Variants in OPCML observed in about 807,000 individuals in gnomAD.
The protein encoded by OPCML is opioid binding protein/cell adhesion molecule like.
In OPCML, 13 loss-of-function variants were observed where a neutral mutation model predicts 37.8. The observed-to-expected ratio is 0.34, with a 90% CI of 0.22 to 0.55. The LOEUF is 0.55. Among genes scored for constraint, OPCML ranks in the 20% least tolerant of loss-of-function variants. The probability of loss-of-function intolerance (pLI) is 0.91; values close to 1 mark genes in which losing one functional copy is unlikely to be tolerated. For synonymous variants in OPCML, 176 were observed against 168.8 expected, an observed-to-expected ratio of 1.04 and a Z score of -0.33; for missense variants, 341 against 435.6, an observed-to-expected ratio of 0.78 and a Z score of 1.93.
intron 2 of OPCML, 174 bp from the exon 3 acceptor site, chr11:132,657,493 C>T (rs1351993503): frequency 1.5e-5 from 13 of 846,882 alleles, no homozygotes; most frequent in Middle Eastern, 1.2e-3. Context: ...CTAAGAGTGA[C>T]CAGAATCATC....
chr11:132,731,390 G>A (rs1255932043), intron 2 of OPCML, among the ~76,000 whole-genome samples: 1 of 152,196 alleles, frequency 6.6e-6, no homozygotes, highest in African/African-American at 2.4e-5. Flanking sequence ...GTCAACCTTA[G>A]TCTAAAGAGT....
At chr11:133,077,285 G>T (rs1164449364) in intron 1 of OPCML, among the ~76,000 whole-genome samples, 1 of 151,846 alleles carries the variant, frequency 6.6e-6, no homozygotes, top group Admixed American at 6.6e-5. Context: ...GTGACTTGGA[G>T]CTCATCACAC....
intron 4 of OPCML, among the ~76,000 whole-genome samples, chr11:132,463,594 G>C (rs1321941077): frequency 6.6e-6 from 1 of 152,214 alleles, no homozygotes; most frequent in African/African-American, 2.4e-5. Context: ...GGAGCTGAGG[G>C]TTAGGGAATC....
chr11:132,532,749 G>A (rs115196712), intron 3 of OPCML, among the ~76,000 whole-genome samples: 3 of 152,150 alleles, frequency 2.0e-5, no homozygotes, highest in Admixed American at 6.5e-5. Context: ...TCAAGTCAGC[G>A]CCCCTTGCAC....
intron 1 of OPCML, among the ~76,000 whole-genome samples, chr11:133,274,322 T>G (rs1376068089): frequency 6.8e-6 from 1 of 146,632 alleles, no homozygotes; most frequent in East Asian, 2.5e-4. Flanking sequence ...CATACTGGAA[T>G]AGGGTGGGCC....
intron 1 of OPCML, among the ~76,000 whole-genome samples, chr11:133,219,799 G>A (rs938205684): frequency 1.5e-5 from 2 of 131,698 alleles, no homozygotes; most frequent in African/African-American, 6.3e-5. Flanking sequence ...ATCACAGTTT[G>A]GGGAGGGGGG....
intron 2 of OPCML, among the ~76,000 whole-genome samples, chr11:132,848,785 A>G (rs780468317): frequency 5.9e-5 from 9 of 152,244 alleles, no homozygotes; most frequent in Non-Finnish European, 1.3e-4. Flanking sequence ...GATCTGAGCA[A>G]ATCACTTTAC....
chr11:132,542,429 CCTT>C (rs2137377374), intron 3 of OPCML, among the ~76,000 whole-genome samples: 2 of 152,248 alleles, frequency 1.3e-5, no homozygotes, highest in South Asian at 4.1e-4. Flanking sequence ...CTTCCATGAC[CCTT>C]CTTCTAAGTT....
chr11:132,822,072 T>C (rs1940022894), intron 2 of OPCML, among the ~76,000 whole-genome samples: 1 of 152,182 alleles, frequency 6.6e-6, no homozygotes, highest in South Asian at 2.1e-4. Context: ...CTTCCCTTGC[T>C]TACTTTCTAT....
intron 2 of OPCML, among the ~76,000 whole-genome samples, chr11:132,914,688 T>C (rs1385195518): frequency 6.6e-6 from 1 of 152,168 alleles, no homozygotes; most frequent in African/African-American, 2.4e-5. Flanking sequence ...CTGCCTGTGG[T>C]TTGGCTGATT....
intron 1 of OPCML, among the ~76,000 whole-genome samples, chr11:133,042,817 G>A (rs1947932024): frequency 6.6e-6 from 1 of 152,056 alleles, no homozygotes; most frequent in African/African-American, 2.4e-5. Flanking sequence ...GTATAACCAA[G>A]TCATATTTCT....
At chr11:132,649,777 T>C (rs140899010) in intron 3 of OPCML, among the ~76,000 whole-genome samples, 13 of 152,204 alleles carry the variant, frequency 8.5e-5, no homozygotes, top group African/African-American at 3.1e-4. Context: ...ATATGCTTGA[T>C]GTTTGATGAT....
chr11:132,811,890 C>T (rs1008809230), intron 2 of OPCML, among the ~76,000 whole-genome samples: 1 of 152,202 alleles, frequency 6.6e-6, no homozygotes, highest in East Asian at 1.9e-4. Flanking sequence ...TCAGCTTGTT[C>T]ACAGGACTAA....
At chr11:132,485,458 C>G (rs1245983508) in intron 4 of OPCML, among the ~76,000 whole-genome samples, 6 of 152,172 alleles carry the variant, frequency 3.9e-5, no homozygotes, top group African/African-American at 9.7e-5. Flanking sequence ...AGCGTGAACA[C>G]TCAAGTAGCT....
At chr11:132,554,407 T>A (rs1295866779) in intron 3 of OPCML, among the ~76,000 whole-genome samples, 1 of 152,222 alleles carries the variant, frequency 6.6e-6, no homozygotes, top group Non-Finnish European at 1.5e-5. Context: ...AGAATGGGTC[T>A]CAGGGCAGGA....
intron 1 of OPCML, among the ~76,000 whole-genome samples, chr11:133,527,229 C>T (rs1948508589): frequency 6.6e-6 from 1 of 152,176 alleles, no homozygotes. Flanking sequence ...TATCTAGCAC[C>T]CCACCAAATA....
At chr11:133,117,414 A>G (rs1949353591) in intron 1 of OPCML, among the ~76,000 whole-genome samples, 1 of 152,166 alleles carries the variant, frequency 6.6e-6, no homozygotes, top group African/African-American at 2.4e-5. Flanking sequence ...CCTTCTTATA[A>G]CCATGGTCCT....
intron 2 of OPCML, chr11:132,859,496 G>A (rs376127051): frequency 2.0e-5 from 3 of 152,194 alleles, no homozygotes; most frequent in Middle Eastern, 3.2e-3. Context: ...GCATTCTTCA[G>A]TAATGAGGAA....
At chr11:133,508,968 A>G (rs1424554637) in intron 1 of OPCML, among the ~76,000 whole-genome samples, 7 of 151,224 alleles carry the variant, frequency 4.6e-5, no homozygotes, top group Non-Finnish European at 4.4e-5. Context: ...TTTGATATAT[A>G]TAAGTTCGTT....
Sources: allele counts gnomAD v4.1 joint callset (sites outside exome capture counted in the v4.1 genomes callset), GRCh38; gene constraint gnomAD v4.1.1; transcripts MANE v1.5; gene names NCBI Gene and HGNC (gene_info 2026-07-23, HGNC 2026-07-21).